Variants in DLG2 observed in about 807,000 individuals in gnomAD.
DLG2 encodes the protein disks large homolog 2.
A neutral mutation model predicts 132.5 loss-of-function variants in DLG2; 45 were observed. The ratio of observed to expected loss-of-function variants is 0.34; its 90% confidence interval spans 0.27 to 0.44. The LOEUF (loss-of-function observed/expected upper bound fraction) is 0.44. Ranked by LOEUF, DLG2 falls within the 20% of genes least tolerant of loss-of-function variation. The pLI is 1.00. For missense variants in DLG2, 1,045 were observed against 1,196.9 expected (o/e 0.87, Z 1.87); for synonymous variants, 424 against 419.6 (o/e 1.01, Z -0.13).
intron 6 of DLG2, among the ~76,000 whole-genome samples, chr11:84,922,566 T>A (rs536706499): frequency 1.3e-5 from 2 of 152,192 alleles, no homozygotes; most frequent in South Asian, 4.2e-4. Flanking sequence ...ATAATCAGTA[T>A]CACCAATTTC....
intron 18 of DLG2, among the ~76,000 whole-genome samples, chr11:83,667,975 CAAAAAAAAAA>C (rs10688898): frequency 5.1e-5 from 2 of 39,594 alleles, no homozygotes; most frequent in East Asian, 1.5e-3. Flanking sequence ...GACTCCGTCT[CAAAAAAAAAA>C]AAAAAAAAAA....
chr11:83,641,887 GTGTGTA>G (rs780066338), intron 18 of DLG2, among the ~76,000 whole-genome samples: 2 of 142,348 alleles, frequency 1.4e-5, no homozygotes, highest in Admixed American at 6.9e-5. Flanking sequence ...GTGTGTGTGT[GTGTGTA>G]TGTGTGTTTG....
At chr11:84,502,338 CTTTCTTTCTTTCTTTCTTT>C (rs2099218601) in intron 7 of DLG2, among the ~76,000 whole-genome samples, 1 of 31,296 alleles carries the variant, frequency 3.2e-5, no homozygotes, top group African/African-American at 2.1e-4. Context: ...TTCTTTCTTT[CTTTCTTTCTTTCTTTCTTT>C]CTTTCTTTCT....
intron 4 of DLG2, among the ~76,000 whole-genome samples, chr11:85,235,815 T>C (rs2075557047): frequency 6.6e-6 from 1 of 151,826 alleles, no homozygotes; most frequent in South Asian, 2.1e-4. Flanking sequence ...AATGCCAGAA[T>C]AGATCATATA....
chr11:83,542,448 A>C (rs1375709446), intron 19 of DLG2, among the ~76,000 whole-genome samples: 2 of 152,166 alleles, frequency 1.3e-5, no homozygotes, highest in Non-Finnish European at 2.9e-5. Flanking sequence ...TACATGCTTA[A>C]AATGCAGTAA....
intron 3 of DLG2, among the ~76,000 whole-genome samples, chr11:85,465,300 C>A (rs2092749962): frequency 6.6e-6 from 1 of 150,848 alleles, no homozygotes; most frequent in Admixed American, 6.6e-5. Flanking sequence ...GCCACTGCAA[C>A]TGGCTAATTT....
intron 4 of DLG2, among the ~76,000 whole-genome samples, chr11:85,210,367 G>C (rs2082178144): frequency 6.6e-6 from 1 of 151,972 alleles, no homozygotes; most frequent in Non-Finnish European, 1.5e-5. Flanking sequence ...CTCTCCCTCA[G>C]AGCCTTTGTA....
intron 6 of DLG2, among the ~76,000 whole-genome samples, chr11:84,548,997 G>T (rs1178332499): frequency 6.6e-6 from 1 of 152,162 alleles, no homozygotes; most frequent in East Asian, 1.9e-4. Context: ...ACATGATCAA[G>T]TATTTGCTTT....
At chr11:84,313,754 C>T (rs1293051002) in intron 7 of DLG2, among the ~76,000 whole-genome samples, 1 of 152,148 alleles carries the variant, frequency 6.6e-6, no homozygotes, top group East Asian at 1.9e-4. Flanking sequence ...GTCTCTGAGT[C>T]TCCACTGTTC....
At chr11:85,226,670 A>G (rs577051522) in intron 4 of DLG2, among the ~76,000 whole-genome samples, 1 of 152,316 alleles carries the variant, frequency 6.6e-6, no homozygotes, top group South Asian at 2.1e-4. Flanking sequence ...ATAATCAACT[A>G]GAAGACATGA....
At chr11:83,863,879 G>C (rs1470369332) in intron 16 of DLG2, among the ~76,000 whole-genome samples, 1 of 152,062 alleles carries the variant, frequency 6.6e-6, no homozygotes, top group African/African-American at 2.4e-5. Flanking sequence ...AGGACTTCAG[G>C]GATGCAGTGA....
At chr11:85,342,127 C>G (rs1415723475) in intron 3 of DLG2, among the ~76,000 whole-genome samples, 2 of 152,074 alleles carry the variant, frequency 1.3e-5, no homozygotes, top group Non-Finnish European at 2.9e-5. Context: ...ATTTAAAATA[C>G]TTTTATTTCT....
intron 18 of DLG2, among the ~76,000 whole-genome samples, chr11:83,776,910 G>A (rs1471447821): frequency 6.6e-6 from 1 of 152,172 alleles, no homozygotes; most frequent in Non-Finnish European, 1.5e-5. Flanking sequence ...TATTCTCTGA[G>A]TACATTTGAG....
intron 6 of DLG2, among the ~76,000 whole-genome samples, chr11:84,760,403 T>C (rs1035998944): frequency 1.3e-5 from 2 of 152,202 alleles, no homozygotes; most frequent in East Asian, 1.9e-4. Context: ...ATTTAGTAAA[T>C]TGGCTTCATT....
Position 83,892,499 on chromosome 11 carries a change from T to A in DLG2, c.1497-18011A>T. On this transcript the variant is annotated intron_variant, in intron 15 of 27. Coordinates refer to ENST00000376104, the MANE Select transcript of DLG2 (RefSeq NM_001142699.3). The stretch of plus-strand genomic sequence containing the variant: ...AACACTAAAATGTTTTGTCTTTGGA[T>A]CTCAATGAAAATCTTCCAAATGAAG... 2.0e-5 allele frequency among the ~76,000 whole-genome samples: 3 copies of A among 152,310 alleles called. No homozygotes were observed. In the Middle Eastern group the frequency reaches 0.01, roughly 518 times the overall value.
rs557910119 is a variant in DLG2, at chr11:85,017,443, C to T, written c.357+94218G>A. Among the ~76,000 whole-genome samples the T allele has an allele frequency of 4.0e-5, 6 of 151,826 alleles. No individual in the cohort carries two copies. The South Asian group carries it at 1.2e-3, about 32-fold the overall frequency. ...TGCTCCTATTAAAATTAATGATGAC[C>T]TTCTCTCTGTCAAAGTTAAATTTTA... On this transcript the variant is annotated intron_variant, in intron 6 of 27. Coordinates refer to ENST00000376104, the MANE Select transcript of DLG2 (RefSeq NM_001142699.3).
chr11:85,513,002 T>C (rs921766821), intron 3 of DLG2, among the ~76,000 whole-genome samples: 2 of 152,032 alleles, frequency 1.3e-5, no homozygotes, highest in Non-Finnish European at 1.5e-5. Context: ...CATGGAATAC[T>C]ACACAGCCAT....
chr11:85,161,813 G>T (rs903967651), intron 4 of DLG2, among the ~76,000 whole-genome samples: 3 of 152,136 alleles, frequency 2.0e-5, no homozygotes, highest in Non-Finnish European at 4.4e-5. Flanking sequence ...ACTTTGCAGG[G>T]CTTGGCCAAA....
At chr11:83,927,623 T>A (rs1253283813) in intron 15 of DLG2, among the ~76,000 whole-genome samples, 1 of 152,138 alleles carries the variant, frequency 6.6e-6, no homozygotes, top group East Asian at 1.9e-4. Context: ...AGTGGCTAGG[T>A]CATGCAGAGC....
Sources: gnomAD v4.1 joint callset for allele counts (sites outside exome capture counted in the v4.1 genomes callset) on GRCh38, gnomAD v4.1.1 for gene constraint, MANE v1.5 for transcripts, NCBI Gene and HGNC (gene_info 2026-07-23, HGNC 2026-07-21) for gene names.